RFX4: variants seen among roughly 807,000 people sequenced by gnomAD.
The protein encoded by RFX4 is transcription factor RFX4.
A neutral mutation model predicts 95.0 loss-of-function variants in RFX4; 10 were observed. The observed-to-expected ratio is 0.11, with a 90% CI of 0.06 to 0.18. RFX4 has a LOEUF of 0.18. Among genes scored for constraint, RFX4 ranks in the 10% least tolerant of loss-of-function variants. The pLI is 1.00. For synonymous variants in RFX4, 321 were observed against 340.7 expected (o/e 0.94, Z 0.64); for missense variants, 640 against 922.0 (o/e 0.69, Z 3.96).
At chr12:106,634,217 C>T (rs1209472987) in intron 2 of RFX4, among the ~76,000 whole-genome samples, 3 of 152,134 alleles carry the variant, frequency 2.0e-5, no homozygotes, top group Admixed American at 6.6e-5. Context: ...TTTTAAAAAC[C>T]TCAACCATCC....
chr12:106,688,775 T>A (rs1369925727), intron 6 of RFX4, among the ~76,000 whole-genome samples: 1 of 152,188 alleles, frequency 6.6e-6, no homozygotes, highest in Admixed American at 6.5e-5. Context: ...ATTAATTTTT[T>A]TTTTTATTTT....
intron 15 of RFX4, among the ~76,000 whole-genome samples, chr12:106,741,546 T>G (rs2042803691): frequency 6.6e-6 from 1 of 152,230 alleles, no homozygotes; most frequent in Non-Finnish European, 1.5e-5. Context: ...AGAAACTGAA[T>G]TTTAAATTGT....
At chr12:106,751,216 T>A (rs1483448368) in intron 17 of RFX4, among the ~76,000 whole-genome samples, 4 of 151,716 alleles carry the variant, frequency 2.6e-5, no homozygotes, top group Admixed American at 2.6e-4. Flanking sequence ...GATAATTTAC[T>A]GAGAATGATG....
chr12:106,748,244 G>A lies in RFX4; in HGVS notation c.1796+645G>A, dbSNP rs1013341839. On this transcript the variant is annotated intron_variant, in intron 16 of 17. Transcript: ENST00000392842. ...GTTCCTCCCTCTTTACTCCTTTAAC[G>A]CCTCAGCTGAAAACCCCTTTCAGCA... is the stretch of plus-strand genomic sequence containing the variant. Among the ~76,000 whole-genome samples, 6 of 152,100 alleles carry A rather than the reference G, an allele frequency of 3.9e-5. No homozygotes were observed. In the East Asian group the frequency reaches 5.8e-4, roughly 15 times the overall value.
intron 1 of RFX4, among the ~76,000 whole-genome samples, chr12:106,589,075 T>A (rs1296537212): frequency 6.6e-6 from 1 of 152,188 alleles, no homozygotes; most frequent in Non-Finnish European, 1.5e-5. Context: ...GCCATAAGGC[T>A]CTGCAGGATG....
chr12:106,594,950 A>G (rs568095474), intron 1 of RFX4, among the ~76,000 whole-genome samples: 1 of 152,318 alleles, frequency 6.6e-6, no homozygotes, highest in East Asian at 1.9e-4. Flanking sequence ...CCCCATCAGA[A>G]TCATTTCCAT....
At chr12:106,595,685 T>G (rs2039607979) in intron 1 of RFX4, among the ~76,000 whole-genome samples, 1 of 152,246 alleles carries the variant, frequency 6.6e-6, no homozygotes, top group Non-Finnish European at 1.5e-5. Context: ...CAGACATGAT[T>G]TCACTTAGAA....
rs56006444 is a variant in RFX4 at position 106,687,182 on chromosome 12, T to TCACA, written c.591+126_591+129dup. ...CTCTGTCTCTATCTCTCTCTCTCTC[T>TCACA]CACACACACACACACACACACACAC... On this transcript the variant is annotated intron_variant, in intron 6 of 17. Transcript: ENST00000392842. 1.3e-3 allele frequency: 732 copies of TCACA among 546,776 alleles called. 1 individual carries two copies. Among genetic ancestry groups the TCACA allele is most frequent in the South Asian group, 1.6e-3 (77 of 46,730 alleles). The allele number at this position is 546,776 out of a possible 1,614,324, so 33.9% of individuals were successfully genotyped here. A position where few individuals can be genotyped will look rare whatever the true frequency, so the allele number is the denominator to read the frequency against.
intron 5 of RFX4, 49 bp from the exon 6 acceptor site, chr12:106,686,831 GTCTC>G (rs897538555): frequency 1.0e-5 from 15 of 1,506,178 alleles, no homozygotes; most frequent in African/African-American, 6.3e-5. Context: ...GTGCATGTGG[GTCTC>G]TCTCTTTTTT....
chr12:106,638,986 A>G (rs757983238), intron 2 of RFX4, among the ~76,000 whole-genome samples: 6 of 152,170 alleles, frequency 3.9e-5, no homozygotes, highest in Non-Finnish European at 7.3e-5. Context: ...TGAGGTCCCT[A>G]TGTTTTTAGG....
intron 4 of RFX4, among the ~76,000 whole-genome samples, chr12:106,666,310 GT>G (rs945074996): frequency 8.6e-5 from 13 of 151,872 alleles, no homozygotes; most frequent in African/African-American, 2.7e-4. Context: ...TTTTCAGGAT[GT>G]TTTTCGTTAT....
In RFX4 at chr12:106,684,952, G is replaced by A. The variant is rs368950916; in HGVS notation, c.378-1932G>A. On this transcript the variant is annotated intron_variant, in intron 5 of 17. Coordinates refer to ENST00000392842, the MANE Select transcript of RFX4 (RefSeq NM_213594.3). ...GGTTGGGGAGAGGGAAGGTTTTGAC[G>A]TGCTCATCTCTTCCCTCCTCGCAAA... 409 of 1,610,616 alleles carry A rather than the reference G, an allele frequency of 2.5e-4. 1 individual carries two copies. The highest frequency in any genetic ancestry group is 3.2e-4 in the Non-Finnish European group (372 of 1,178,462).
chr12:106,633,393 T>G (rs1312565163), intron 2 of RFX4, among the ~76,000 whole-genome samples: 1 of 152,232 alleles, frequency 6.6e-6, no homozygotes, highest in Non-Finnish European at 1.5e-5. Context: ...AAAATGGGGA[T>G]ATAAAACTTC....
At chr12:106,697,321 T>A (rs528815357) in intron 8 of RFX4, among the ~76,000 whole-genome samples, 1 of 152,328 alleles carries the variant, frequency 6.6e-6, no homozygotes, top group South Asian at 2.1e-4. Context: ...GTATAAGGTA[T>A]AAGGAGCTTT....
chr12:106,615,341 C>T (rs1257593941), intron 2 of RFX4, among the ~76,000 whole-genome samples: 2 of 152,118 alleles, frequency 1.3e-5, no homozygotes, highest in East Asian at 3.8e-4. Context: ...GTCTTACTGT[C>T]TATTTTTGGG....
chr12:106,711,238 C>G (rs555314773), intron 9 of RFX4, among the ~76,000 whole-genome samples: 1 of 152,212 alleles, frequency 6.6e-6, no homozygotes, highest in East Asian at 1.9e-4. Flanking sequence ...AATATGTACC[C>G]CAAATGTCAC....
At chr12:106,597,163 G>A (rs1015899426) in intron 1 of RFX4, among the ~76,000 whole-genome samples, 2 of 152,034 alleles carry the variant, frequency 1.3e-5, no homozygotes, top group Non-Finnish European at 2.9e-5. Context: ...TAAATACAAC[G>A]AATAGTGGGT....
In RFX4 at chr12:106,591,261, C is replaced by CTTTTTTTTTTTTTTTTTT. The variant is rs1565942195; in HGVS notation, c.43+7898_43+7899insTTTTTTTTTTTTTTTTTT. ...CCTATATGAAAGTGTTAAAATAGTC[C>CTTTTTTTTTTTTTTTTTT]CTTTTTTTTTTTTTTTTTTTTTTTT... On this transcript the variant is annotated intron_variant, in intron 1 of 17. Transcript: ENST00000392842. Among the ~76,000 whole-genome samples the CTTTTTTTTTTTTTTTTTT allele has an allele frequency of 3.0e-5, 2 of 66,466 alleles. 1 individual carries two copies. The allele number at this position is 66,466 out of a possible 152,430, so 43.6% of individuals were successfully genotyped here. A position where few individuals can be genotyped will look rare whatever the true frequency, so the allele number is the denominator to read the frequency against.
At chr12:106,744,790 C>A (rs2042863439) in intron 15 of RFX4, among the ~76,000 whole-genome samples, 1 of 152,126 alleles carries the variant, frequency 6.6e-6, no homozygotes, top group Non-Finnish European at 1.5e-5. Context: ...ACTCTGGGAC[C>A]TTGCGCAAGT....
Sources: gnomAD v4.1 joint callset for allele counts (sites outside exome capture counted in the v4.1 genomes callset) on GRCh38, gnomAD v4.1.1 for gene constraint, MANE v1.5 for transcripts, NCBI Gene and HGNC (gene_info 2026-07-23, HGNC 2026-07-21) for gene names.